The following CCSER1 variants were observed in gnomAD, a reference collection of about 807,000 sequenced individuals.
The protein encoded by CCSER1 is serine-rich coiled-coil domain-containing protein 1.
CCSER1 carries 41 observed loss-of-function variants against 82.0 expected under a neutral mutation model. The observed-to-expected ratio is 0.50, with a 90% CI of 0.39 to 0.65. CCSER1 has a LOEUF of 0.65. Among genes scored for constraint, CCSER1 ranks in the 30% least tolerant of loss-of-function variants. The pLI is 0.00. For synonymous variants in CCSER1, 414 were observed against 383.9 expected (o/e 1.08, Z -0.92); for missense variants, 1,119 against 1,064.2 (o/e 1.05, Z -0.72).
chr4:91,434,260 G>A (rs2149396838), intron 10 of CCSER1, among the ~76,000 whole-genome samples: 1 of 152,112 alleles, frequency 6.6e-6, no homozygotes. Flanking sequence ...GTTAAAATAG[G>A]GGTACTTAAT....
chr4:91,137,724 T>C (rs1423135076), intron 10 of CCSER1, among the ~76,000 whole-genome samples: 1 of 152,020 alleles, frequency 6.6e-6, no homozygotes, highest in East Asian at 1.9e-4. Flanking sequence ...TGAGATGATA[T>C]CTCATAGTGG....
intron 9 of CCSER1, among the ~76,000 whole-genome samples, chr4:91,085,336 C>T (rs1723269352): frequency 6.6e-6 from 1 of 151,860 alleles, no homozygotes; most frequent in African/African-American, 2.4e-5. Flanking sequence ...GTAGTTTTTG[C>T]CATTACTTTT....
intron 10 of CCSER1, among the ~76,000 whole-genome samples, chr4:91,457,183 ATTAT>A (rs767361903): frequency 3.3e-5 from 5 of 152,158 alleles, no homozygotes; most frequent in Non-Finnish European, 7.4e-5. Flanking sequence ...TGATATTCAT[ATTAT>A]TTCTCTAGTT....
At chr4:91,372,666 A>G (rs1750126051) in intron 10 of CCSER1, among the ~76,000 whole-genome samples, 1 of 152,174 alleles carries the variant, frequency 6.6e-6, no homozygotes, top group Admixed American at 6.6e-5. Context: ...ATGGCTAATA[A>G]CATTTGAAAA....
intron 10 of CCSER1, among the ~76,000 whole-genome samples, chr4:91,248,483 C>T (rs765058685): frequency 6.6e-6 from 1 of 152,170 alleles, no homozygotes; most frequent in Non-Finnish European, 1.5e-5. Flanking sequence ...TGGCACTTCA[C>T]CTCGATGGTT....
At chr4:91,117,856 A>G (rs6855885) in intron 10 of CCSER1, among the ~76,000 whole-genome samples, 78,951 of 151,926 alleles carry the variant, frequency 0.52, 20,823 homozygotes, top group East Asian at 0.68. Context: ...TCATTTGTAA[A>G]CACTGGAAAA....
chr4:90,966,405 A>T (rs553451795), intron 9 of CCSER1, among the ~76,000 whole-genome samples: 2 of 152,244 alleles, frequency 1.3e-5, no homozygotes, highest in South Asian at 4.1e-4. Flanking sequence ...CTGACTTCTT[A>T]TCAAAAGCAG....
chr4:91,287,107 C>T (rs2149212279), intron 10 of CCSER1, among the ~76,000 whole-genome samples: 1 of 151,866 alleles, frequency 6.6e-6, no homozygotes, highest in East Asian at 1.9e-4. Context: ...AGTGGGGTAC[C>T]TTAAAAACAT....
intron 10 of CCSER1, among the ~76,000 whole-genome samples, chr4:91,394,917 T>G (rs1406998405): frequency 6.6e-6 from 1 of 151,976 alleles, no homozygotes; most frequent in Non-Finnish European, 1.5e-5. Flanking sequence ...TGTGATAAAT[T>G]AAGAAAGCTA....
intron 10 of CCSER1, among the ~76,000 whole-genome samples, chr4:91,331,614 G>T (rs1746959686): frequency 6.6e-6 from 1 of 152,028 alleles, no homozygotes; most frequent in African/African-American, 2.4e-5. Flanking sequence ...TAACCTCCCT[G>T]ACTCTGTCAA....
At chr4:91,108,527 G>T (rs1725831507) in intron 10 of CCSER1, among the ~76,000 whole-genome samples, 1 of 152,104 alleles carries the variant, frequency 6.6e-6, no homozygotes, top group Non-Finnish European at 1.5e-5. Context: ...AATCATAAGT[G>T]TTCTCCTATG....
At chr4:91,495,529 A>T (rs1056032605) in intron 10 of CCSER1, among the ~76,000 whole-genome samples, 1 of 151,440 alleles carries the variant, frequency 6.6e-6, no homozygotes, top group Non-Finnish European at 1.5e-5. Flanking sequence ...AACTTAAAAA[A>T]AAAGCAATAT....
At chr4:90,549,055 T>C (rs1048503982) in intron 5 of CCSER1, among the ~76,000 whole-genome samples, 1 of 152,272 alleles carries the variant, frequency 6.6e-6, no homozygotes, top group South Asian at 2.1e-4. Flanking sequence ...ACTGTAATTG[T>C]ACCTATCAAC....
At chr4:90,714,218 G>A (rs1741208217) in intron 6 of CCSER1, among the ~76,000 whole-genome samples, 1 of 151,676 alleles carries the variant, frequency 6.6e-6, no homozygotes. Context: ...TTGAATAGTT[G>A]GAATTTTGTT....
At chr4:90,867,000 T>C (rs1452225628) in intron 8 of CCSER1, among the ~76,000 whole-genome samples, 2 of 151,994 alleles carry the variant, frequency 1.3e-5, no homozygotes, top group Non-Finnish European at 2.9e-5. Context: ...CCCAGTTCCT[T>C]ATAGGCCACG....
At chr4:91,132,893 G>A (rs1379654688) in intron 10 of CCSER1, among the ~76,000 whole-genome samples, 4 of 151,992 alleles carry the variant, frequency 2.6e-5, no homozygotes, top group African/African-American at 7.2e-5. Context: ...TTTTCATAAC[G>A]TCAACAAGCA....
At chr4:91,262,304 A>G (rs1222997426) in intron 10 of CCSER1, among the ~76,000 whole-genome samples, 1 of 152,096 alleles carries the variant, frequency 6.6e-6, no homozygotes. Context: ...TTAGGACAAA[A>G]TAGACTCTCA....
At chr4:90,567,235 C>T (rs1779510033) in intron 5 of CCSER1, among the ~76,000 whole-genome samples, 1 of 151,356 alleles carries the variant, frequency 6.6e-6, no homozygotes, top group South Asian at 2.1e-4. Context: ...CTATAAACTT[C>T]CCCTTTTGAA....
At chr4:90,333,147 A>G (rs1319364651) in intron 3 of CCSER1, among the ~76,000 whole-genome samples, 1 of 152,176 alleles carries the variant, frequency 6.6e-6, no homozygotes, top group Admixed American at 6.5e-5. Flanking sequence ...AGGGGGTGCA[A>G]AATGTCAATT....
Sources: allele counts gnomAD v4.1 joint callset (sites outside exome capture counted in the v4.1 genomes callset), GRCh38; gene constraint gnomAD v4.1.1; transcripts MANE v1.5; gene names NCBI Gene and HGNC (gene_info 2026-07-23, HGNC 2026-07-21).